Variants in DLG2 observed in about 807,000 individuals in gnomAD.
DLG2 encodes the protein disks large homolog 2.
In DLG2, 45 loss-of-function variants were observed where a neutral mutation model predicts 132.5. The ratio of observed to expected loss-of-function variants is 0.34; its 90% confidence interval spans 0.27 to 0.44. The LOEUF (loss-of-function observed/expected upper bound fraction) is 0.44. Among genes scored for constraint, DLG2 ranks in the 20% least tolerant of loss-of-function variants. DLG2 has a pLI of 1.00. For synonymous variants in DLG2, 424 were observed against 419.6 expected, an observed-to-expected ratio of 1.01 and a Z score of -0.13; for missense variants, 1,045 against 1,196.9, an observed-to-expected ratio of 0.87 and a Z score of 1.87.
chr11:85,582,976 GCTTAT>G (rs2078655156), intron 3 of DLG2, among the ~76,000 whole-genome samples: 1 of 145,448 alleles, frequency 6.9e-6, no homozygotes, highest in African/African-American at 2.5e-5. Flanking sequence ...TTTTGTGAAG[GCTTAT>G]TGTTTTGACA....
At chr11:84,718,061 T>G (rs1318791935) in intron 6 of DLG2, among the ~76,000 whole-genome samples, 2 of 152,044 alleles carry the variant, frequency 1.3e-5, no homozygotes, top group South Asian at 2.1e-4. Flanking sequence ...AAGGCTACAG[T>G]AGAAAGTCCC....
Position 84,320,630 on chromosome 11 carries a change from C to T in DLG2, c.520-69339G>A, listed in dbSNP as rs59180667. On this transcript the variant is annotated intron_variant, in intron 7 of 27. Transcript: ENST00000376104. ...CTTCAAAATAAGAAAGCCAGGAATA[C>T]GTAAAGTATTTTAGGCTCTAAAATT... is the stretch of plus-strand genomic sequence containing the variant. 1.2e-4 allele frequency among the ~76,000 whole-genome samples: 18 copies of T among 152,208 alleles called. No individual in the cohort carries two copies. The East Asian group carries it at 2.1e-3, about 18-fold the overall frequency.
chr11:84,895,633 G>GT (rs1247137001), intron 6 of DLG2, among the ~76,000 whole-genome samples: 1 of 152,088 alleles, frequency 6.6e-6, no homozygotes, highest in African/African-American at 2.4e-5. Context: ...AAGGCAGATA[G>GT]TTTTTTAGTT....
intron 3 of DLG2, among the ~76,000 whole-genome samples, chr11:85,383,039 G>A (rs1481398959): frequency 6.6e-6 from 1 of 152,084 alleles, no homozygotes; most frequent in Non-Finnish European, 1.5e-5. Flanking sequence ...AATGTTCATG[G>A]CAGTATTATT....
intron 3 of DLG2, among the ~76,000 whole-genome samples, chr11:85,325,287 G>A (rs1445231417): frequency 1.9e-3 from 293 of 152,298 alleles, no homozygotes; most frequent in African/African-American, 6.8e-3. Context: ...AAGGAGGCCT[G>A]TCTGCCTCTG....
At chr11:83,725,664 A>G (rs1445514956) in intron 18 of DLG2, among the ~76,000 whole-genome samples, 3 of 152,240 alleles carry the variant, frequency 2.0e-5, no homozygotes, top group Admixed American at 2.0e-4. Context: ...GCTTTTCTTA[A>G]TATTTTAGGA....
At chr11:84,612,195 T>C (rs1311918676) in intron 6 of DLG2, among the ~76,000 whole-genome samples, 1 of 152,154 alleles carries the variant, frequency 6.6e-6, no homozygotes, top group African/African-American at 2.4e-5. Context: ...TTTTTTAGCC[T>C]GGCTTTTTTC....
intron 6 of DLG2, among the ~76,000 whole-genome samples, chr11:85,075,224 T>C (rs2154169035): frequency 6.6e-6 from 1 of 151,994 alleles, no homozygotes; most frequent in African/African-American, 2.4e-5. Flanking sequence ...AAATGTAAAT[T>C]TGTACAGCCA....
At chr11:84,559,491 G>A (rs1292786876) in intron 6 of DLG2, among the ~76,000 whole-genome samples, 2 of 152,064 alleles carry the variant, frequency 1.3e-5, no homozygotes, top group East Asian at 1.9e-4. Flanking sequence ...CCATAATTCA[G>A]TTGACACATA....
At chr11:83,707,088 A>G (rs1258697486) in intron 18 of DLG2, among the ~76,000 whole-genome samples, 1 of 152,232 alleles carries the variant, frequency 6.6e-6, no homozygotes, top group Non-Finnish European at 1.5e-5. Context: ...TCTATTTCAA[A>G]TACGAGAAAA....
At chr11:85,498,327 CAAAG>C (rs2093716450) in intron 3 of DLG2, among the ~76,000 whole-genome samples, 1 of 152,082 alleles carries the variant, frequency 6.6e-6, no homozygotes, top group Non-Finnish European at 1.5e-5. Flanking sequence ...TCAAAAGAGA[CAAAG>C]AATGCCATTA....
At position 83,655,706 on chromosome 11, in the gene DLG2, A is replaced by T. The variant is rs1302520736; in HGVS notation, c.1826-22381T>A. Among the ~76,000 whole-genome samples the T allele has an allele frequency of 2.0e-5, 3 of 152,188 alleles. No homozygotes were observed. The East Asian group carries it at 5.8e-4, about 29-fold the overall frequency. On this transcript the variant is annotated intron_variant, in intron 18 of 27. Coordinates refer to ENST00000376104, the MANE Select transcript of DLG2 (RefSeq NM_001142699.3). ...AATTTTAATTGAGAGTGTTTAGGCC[A>T]ACTAATAGCTCAGGAAACAGCTCCC...
chr11:85,598,462 C>G (rs1429156040), intron 3 of DLG2, among the ~76,000 whole-genome samples, 195 bp downstream of exon 3: 2 of 151,908 alleles, frequency 1.3e-5, no homozygotes, highest in Non-Finnish European at 2.9e-5. Flanking sequence ...TCAAACAATT[C>G]CTTTCTAGGT....
intron 7 of DLG2, among the ~76,000 whole-genome samples, chr11:84,440,430 G>C (rs539540927): frequency 2.6e-5 from 4 of 152,262 alleles, no homozygotes; most frequent in African/African-American, 9.6e-5. Context: ...TTGCTTGAAA[G>C]ATGGATATAA....
At chr11:83,894,621 C>T (rs1481175254) in intron 15 of DLG2, among the ~76,000 whole-genome samples, 1 of 152,078 alleles carries the variant, frequency 6.6e-6, no homozygotes, top group East Asian at 1.9e-4. Flanking sequence ...TATCTATCGC[C>T]TCAACCATTT....
chr11:84,129,541 ATG>A (rs1301788960), intron 9 of DLG2, among the ~76,000 whole-genome samples: 2 of 152,110 alleles, frequency 1.3e-5, no homozygotes, highest in Admixed American at 1.3e-4. Flanking sequence ...ATGATGTGAG[ATG>A]GCCTGTCATC....
chr11:85,162,461 TAGA>T (rs775648252), intron 4 of DLG2, among the ~76,000 whole-genome samples: 12 of 150,646 alleles, frequency 8.0e-5, no homozygotes, highest in African/African-American at 3.0e-4. Context: ...GAATGGTTAG[TAGA>T]AGAAGGTAGT....
chr11:84,294,431 C>T, intron 7 of DLG2, among the ~76,000 whole-genome samples: 1 of 152,094 alleles, frequency 6.6e-6, no homozygotes, highest in Non-Finnish European at 1.5e-5. Context: ...AACCCCATCT[C>T]TACTAAAAAT....
intron 6 of DLG2, among the ~76,000 whole-genome samples, chr11:85,012,692 T>TA (rs1182814012): frequency 2.0e-5 from 3 of 152,144 alleles, no homozygotes; most frequent in Non-Finnish European, 4.4e-5. Flanking sequence ...GTTATGGATA[T>TA]AAAATATTAA....
Sources: gnomAD v4.1 joint callset for allele counts (sites outside exome capture counted in the v4.1 genomes callset) on GRCh38, gnomAD v4.1.1 for gene constraint, MANE v1.5 for transcripts, NCBI Gene and HGNC (gene_info 2026-07-23, HGNC 2026-07-21) for gene names.